The following CYRIB variants were observed in gnomAD, a reference collection of about 807,000 sequenced individuals.
CYRIB encodes the protein CYFIP related Rac1 interactor B.
A neutral mutation model predicts 44.2 loss-of-function variants in CYRIB; 8 were observed. That is an observed-to-expected ratio of 0.18 (90% confidence interval 0.11 to 0.33). The LOEUF is 0.33. Among genes scored for constraint, CYRIB ranks in the 10% least tolerant of loss-of-function variants. The pLI is 1.00. For missense variants in CYRIB, 185 were observed against 382.8 expected, an observed-to-expected ratio of 0.48 and a Z score of 4.31; for synonymous variants, 131 against 127.2, an observed-to-expected ratio of 1.03 and a Z score of -0.20.
chr8:129,997,901 T>C (rs1004597289), intron 1 of CYRIB, among the ~76,000 whole-genome samples: 8 of 151,876 alleles, frequency 5.3e-5, no homozygotes, highest in African/African-American at 1.9e-4. Flanking sequence ...GGCGGGCGGA[T>C]CATGAGGTCA....
chr8:130,002,318 A>G (rs1459968810), intron 1 of CYRIB, among the ~76,000 whole-genome samples: 1 of 152,094 alleles, frequency 6.6e-6, no homozygotes, highest in African/African-American at 2.4e-5. Flanking sequence ...AAAATTAATC[A>G]GATGTAGTGG....
chr8:129,966,378 C>G (rs895529708), intron 2 of CYRIB, among the ~76,000 whole-genome samples: 2 of 152,234 alleles, frequency 1.3e-5, no homozygotes, highest in Non-Finnish European at 2.9e-5. Context: ...CTAATTTTCA[C>G]TCTCATCAGT....
At chr8:129,868,359 A>G (rs1241394736) in intron 4 of CYRIB, among the ~76,000 whole-genome samples, 6 of 152,060 alleles carry the variant, frequency 3.9e-5, no homozygotes, top group African/African-American at 1.4e-4. Context: ...TTCAATGCCT[A>G]TTTCTCTTTT....
chr8:129,906,387 C>G (rs2075390132), intron 1 of CYRIB, among the ~76,000 whole-genome samples: 1 of 152,212 alleles, frequency 6.6e-6, no homozygotes, highest in Non-Finnish European at 1.5e-5. Context: ...GCTGGGAAAA[C>G]TGGCTAGCCA....
At chr8:129,955,252 CAAAAAA>C (rs34829432) in intron 2 of CYRIB, among the ~76,000 whole-genome samples, 2 of 102,868 alleles carry the variant, frequency 1.9e-5, no homozygotes, top group Non-Finnish European at 4.0e-5. Flanking sequence ...AACTCCGTCT[CAAAAAA>C]AAAAAAAAAA....
At chr8:130,004,717 C>G (rs1224666341) in intron 1 of CYRIB, 5 of 151,236 alleles carry the variant, frequency 3.3e-5, no homozygotes, top group African/African-American at 1.2e-4. Context: ...ACAACCAGCG[C>G]ATGGAAAACC....
intron 2 of CYRIB, among the ~76,000 whole-genome samples, chr8:129,896,506 T>TC (rs1215158201): frequency 6.6e-6 from 1 of 152,214 alleles, no homozygotes; most frequent in Non-Finnish European, 1.5e-5. Context: ...CAATGGTGTT[T>TC]CCCATGTTCT....
intron 1 of CYRIB, among the ~76,000 whole-genome samples, chr8:130,007,026 C>CA (rs1463481988): frequency 3.3e-5 from 5 of 152,024 alleles, no homozygotes; most frequent in Non-Finnish European, 7.4e-5. Context: ...CCAAATGCAT[C>CA]AAGAGGTAGA....
chr8:130,006,765 G>A (rs1318994720), intron 1 of CYRIB, among the ~76,000 whole-genome samples: 5 of 148,104 alleles, frequency 3.4e-5, no homozygotes, highest in African/African-American at 1.0e-4. Flanking sequence ...CCTGCAGAAG[G>A]GGGAACACAT....
intron 1 of CYRIB, among the ~76,000 whole-genome samples, chr8:129,916,969 G>A (rs556326984): frequency 1.3e-5 from 2 of 152,252 alleles, no homozygotes; most frequent in Middle Eastern, 6.8e-3. Flanking sequence ...GTAAGCATTA[G>A]TTTCCTCATT....
chr8:129,963,027 T>A (rs1263312131), intron 2 of CYRIB, among the ~76,000 whole-genome samples: 1 of 152,178 alleles, frequency 6.6e-6, no homozygotes, highest in East Asian at 1.9e-4. Context: ...TTCAGGGCTG[T>A]GCATGTTACC....
intron 2 of CYRIB, chr8:129,970,607 G>A (rs1260217054): frequency 1.3e-5 from 2 of 151,952 alleles, no homozygotes; most frequent in Non-Finnish European, 2.9e-5. Context: ...GGCTGGTCTT[G>A]AACTCCTGAC....
At chr8:129,907,446 T>A (rs995116553) in intron 1 of CYRIB, among the ~76,000 whole-genome samples, 1 of 146,276 alleles carries the variant, frequency 6.8e-6, no homozygotes, top group East Asian at 2.0e-4. Flanking sequence ...GTGCCTGTTA[T>A]GGGGTGGGGG....
At chr8:129,890,001 T>C (rs920214444) in intron 2 of CYRIB, among the ~76,000 whole-genome samples, 1 of 152,116 alleles carries the variant, frequency 6.6e-6, no homozygotes, top group Non-Finnish European at 1.5e-5. Flanking sequence ...CTCAAACTCC[T>C]GAGCTCAGGC....
intron 11 of CYRIB, among the ~76,000 whole-genome samples, chr8:129,846,492 A>G (rs1259135488): frequency 6.6e-6 from 1 of 152,190 alleles, no homozygotes; most frequent in Non-Finnish European, 1.5e-5. Context: ...AATTTTATTT[A>G]TAACTGGTAT....
chr8:129,939,205 G>C lies in CYRIB; in HGVS notation c.-50+403C>G, dbSNP rs181692065. ...GGAACAGGGGATGAGGAGAAAAAGCGGCCGCGAAGAGGAAGGAGTGGTGGG... is the reference window on the plus strand; with the variant it reads ...GGAACAGGGGATGAGGAGAAAAAGCCGCCGCGAAGAGGAAGGAGTGGTGGG... On this transcript the variant is annotated intron_variant, in intron 1 of 11. Transcript: ENST00000519824. 1.4e-3 allele frequency among the ~76,000 whole-genome samples: 219 copies of C among 152,024 alleles called. 1 individual carries two copies. The highest frequency in any genetic ancestry group is 5.1e-3 in the African/African-American group (212 of 41,454).
intron 1 of CYRIB, among the ~76,000 whole-genome samples, chr8:129,980,252 G>GAAAA (rs988462216): frequency 7.0e-6 from 1 of 142,382 alleles, no homozygotes; most frequent in Non-Finnish European, 1.5e-5. Flanking sequence ...AAAAAGAAAA[G>GAAAA]AAAAAAGAAA....
intron 2 of CYRIB, chr8:129,901,860 A>G (rs1184349767): frequency 6.6e-6 from 1 of 152,230 alleles, no homozygotes; most frequent in Non-Finnish European, 1.5e-5. Context: ...ATTCTCTAAC[A>G]TGAGAAACAC....
chr8:129,970,669 G>C (rs1274230162), intron 2 of CYRIB: 2 of 152,080 alleles, frequency 1.3e-5, no homozygotes, highest in African/African-American at 4.8e-5. Context: ...TTACAGGTGT[G>C]AGCCACTGCG....
Sources: gnomAD v4.1 joint callset for allele counts (sites outside exome capture counted in the v4.1 genomes callset) on GRCh38, gnomAD v4.1.1 for gene constraint, MANE v1.5 for transcripts, NCBI Gene and HGNC (gene_info 2026-07-23, HGNC 2026-07-21) for gene names.